The following ABCG4 variants were observed in gnomAD, a reference collection of about 807,000 sequenced individuals.
The protein encoded by ABCG4 is ATP binding cassette subfamily G member 4.
A neutral mutation model predicts 64.6 loss-of-function variants in ABCG4; 35 were observed. The observed-to-expected ratio is 0.54, with a 90% CI of 0.41 to 0.72. The LOEUF (loss-of-function observed/expected upper bound fraction) is 0.72. Among genes scored for constraint, ABCG4 ranks in the 30% least tolerant of loss-of-function variants. The pLI is 0.00. For synonymous variants in ABCG4, 326 were observed against 348.2 expected (o/e 0.94, Z 0.71); for missense variants, 610 against 846.3 (o/e 0.72, Z 3.46).
In ABCG4 at chr11:119,155,057, A is replaced by C; in HGVS notation, c.686+142A>C. 8 of 1,210,584 alleles carry C rather than the reference A, an allele frequency of 6.6e-6. No individual in the cohort carries two copies. Among genetic ancestry groups the C allele is most frequent in the Non-Finnish European group, 9.2e-6 (8 of 873,226 alleles). 75.0% of individuals were successfully genotyped at this position (1,210,584 alleles called of 1,614,324 possible). A position where few individuals can be genotyped will look rare whatever the true frequency, so the allele number is the denominator to read the frequency against. ...AGATAAGGGCTTCTTCCTCATCTCC[A>C]CCCTTGCCAATTCTGTTGCTGTGAG... On this transcript the variant is annotated intron_variant, in intron 6 of 14. Transcript: ENST00000619701. The surrounding 1 kb of genome is among the most constrained non-coding windows in gnomAD (Gnocchi z 4.5).
rs2135129891 is a variant in ABCG4 at position 119,160,087 on chromosome 11, AC to A, written c.1438-139del. The A allele has an allele frequency of 1.2e-6, 1 of 859,870 alleles. No homozygotes were observed. Among genetic ancestry groups the A allele is most frequent in the Admixed American group, 2.6e-5 (1 of 38,318 alleles). 53.3% of individuals were successfully genotyped at this position (859,870 alleles called of 1,614,324 possible). Reference sequence around the variant, plus strand: ...AAGGGGACGTGTGTCAATCTGGGGGACAGCTTGAACAAGAATGTGGAGGCAG... The same window carrying A: ...AAGGGGACGTGTGTCAATCTGGGGGAAGCTTGAACAAGAATGTGGAGGCAG... On this transcript the variant is annotated intron_variant, in intron 12 of 14. Coordinates refer to ENST00000619701, the MANE Select transcript of ABCG4 (RefSeq NM_022169.5). This position sits in a 1 kb window ranked among gnomAD's most constrained non-coding sequence, Gnocchi z 4.6.
chr11:119,161,231 GCTCCTCC>G lies in ABCG4; in HGVS notation c.*126_*132del, dbSNP rs1214970033. On this transcript the variant is annotated 3_prime_UTR_variant, in exon 15 of 15. Coordinates refer to ENST00000619701, the MANE Select transcript of ABCG4 (RefSeq NM_022169.5). ...GGCGGGGCTATCCTCTCCTCCCTTG[GCTCCTCC>G]ACAGGCTGGCTGTCGGACTGCGCTC... The G allele has an allele frequency of 1.1e-6, 1 of 878,266 alleles. No individual in the cohort carries two copies. Among genetic ancestry groups the G allele is most frequent in the East Asian group, 2.7e-5 (1 of 37,370 alleles). 54.4% of individuals were successfully genotyped at this position (878,266 alleles called of 1,614,324 possible).
Position 119,154,484 on chromosome 11 carries a change from C to T in ABCG4, c.490-41C>T. 1 of 1,614,104 alleles carries T rather than the reference C, an allele frequency of 6.2e-7. No individual in the cohort carries two copies. Among genetic ancestry groups the T allele is most frequent in the African/African-American group, 1.3e-5 (1 of 75,060 alleles). On this transcript the variant is annotated intron_variant, in intron 4 of 14. Transcript: ENST00000619701. The surrounding 1 kb of genome is among the most constrained non-coding windows in gnomAD (Gnocchi z 7.0). ...TGGCGGAGGGTTCAAGGCAGAGCTC[C>T]CTCCCACACATACTTTTCTTGCTTA...
rs1948156013 is a variant in ABCG4 at position 119,149,229 on chromosome 11, C to T, written c.-147C>T. 1 of 151,606 alleles carries T rather than the reference C, an allele frequency of 6.6e-6. No individual in the cohort carries two copies. The highest frequency in any genetic ancestry group is 1.5e-5 in the Non-Finnish European group (1 of 67,822). 9.4% of individuals were successfully genotyped at this position (151,606 alleles called of 1,614,324 possible). On this transcript the variant is annotated 5_prime_UTR_variant, in exon 1 of 15. Transcript: ENST00000619701. The surrounding 1 kb of genome is among the most constrained non-coding windows in gnomAD (Gnocchi z 8.3). The stretch of plus-strand genomic sequence containing the variant: ...CTGCCCCGCCCCGGCCCCGCCCCGG[C>T]CCGGGCCGCCGGGACCGGGAGCCGG...
rs746099364 is a variant in ABCG4, at chr11:119,156,955, GAGA to G, written c.1016_1018del (p.Lys339del). On this transcript the variant is annotated inframe_deletion, in exon 9 of 15. Coordinates refer to ENST00000619701, the MANE Select transcript of ABCG4 (RefSeq NM_022169.5). This position sits in a 1 kb window ranked among gnomAD's most constrained non-coding sequence, Gnocchi z 5.5. Reference sequence around the variant, plus strand: ...GCAGAATGGGCTGTGCGCTATGGCTGAGAAGAAGAGCAGCCCTGAGAAGAACGA... The same window carrying G: ...GCAGAATGGGCTGTGCGCTATGGCTGAGAAGAGCAGCCCTGAGAAGAACGA... 20 of 1,613,850 alleles carry G rather than the reference GAGA, an allele frequency of 1.2e-5. No homozygotes were observed. The highest frequency in any genetic ancestry group is 2.2e-5 in the East Asian group (1 of 44,894).
intron 9 of ABCG4, among the ~76,000 whole-genome samples, chr11:119,157,441 C>T (rs1019220402): frequency 1.3e-5 from 2 of 152,378 alleles, no homozygotes; most frequent in South Asian, 4.1e-4. Flanking sequence ...GTAGCTGGTA[C>T]AGCAGGCGTC....
chr11:119,154,413 C>A lies in ABCG4; in HGVS notation c.489+21C>A, dbSNP rs1364365541. On this transcript the variant is annotated intron_variant, in intron 4 of 14. Coordinates refer to ENST00000619701, the MANE Select transcript of ABCG4 (RefSeq NM_022169.5). The surrounding 1 kb of genome is among the most constrained non-coding windows in gnomAD (Gnocchi z 7.0). Reference sequence around the variant, plus strand: ...TGATGGTGAGGGCTGGATAGTCACCCCTCCTCCCAGCAACCCCCTCTGTCT... The same window carrying A: ...TGATGGTGAGGGCTGGATAGTCACCACTCCTCCCAGCAACCCCCTCTGTCT... The A allele has an allele frequency of 6.2e-7, 1 of 1,614,124 alleles. No individual in the cohort carries two copies. The highest frequency in any genetic ancestry group is 2.2e-5 in the East Asian group (1 of 44,876).
rs749760252 is a variant in ABCG4, at chr11:119,154,624, T to G, written c.540+49T>G. On this transcript the variant is annotated intron_variant, in intron 5 of 14. Transcript: ENST00000619701. This position sits in a 1 kb window ranked among gnomAD's most constrained non-coding sequence, Gnocchi z 7.0. ...GGACCACTCCCTTTTGTGGTGCTGC[T>G]GAGCTCAAGGCCCCGAGCTGGGAGT... The G allele has an allele frequency of 1.9e-5, 30 of 1,607,470 alleles. No homozygotes were observed. The East Asian group carries it at 6.5e-4, about 35-fold the overall frequency.
At position 119,160,151 on chromosome 11, in the gene ABCG4, C is replaced by G. The variant is rs538688090; in HGVS notation, c.1438-76C>G. ...GGGAATAGGTATTCTAGAGGCCCAG[C>G]CTTGGGTGGAGTGGAGGTCTTGGCT... On this transcript the variant is annotated intron_variant, in intron 12 of 14. Transcript: ENST00000619701. The surrounding 1 kb of genome is among the most constrained non-coding windows in gnomAD (Gnocchi z 4.6). The G allele has an allele frequency of 1.3e-6, 2 of 1,517,554 alleles. No homozygotes were observed. The highest frequency in any genetic ancestry group is 1.8e-5 in the Admixed American group (1 of 54,474). 94.0% of individuals were successfully genotyped at this position (1,517,554 alleles called of 1,614,324 possible).
rs2135123521 is a variant in ABCG4 at position 119,156,090 on chromosome 11, C to T, written c.687-239C>T. On this transcript the variant is annotated intron_variant, in intron 6 of 14. Coordinates refer to ENST00000619701, the MANE Select transcript of ABCG4 (RefSeq NM_022169.5). This position sits in a 1 kb window ranked among gnomAD's most constrained non-coding sequence, Gnocchi z 5.5. Reference sequence around the variant, plus strand: ...CAGAGTCTATGTCTTATTTATGCATCATTGTAATCCCAGTGCCTGGCATAC... The same window carrying T: ...CAGAGTCTATGTCTTATTTATGCATTATTGTAATCCCAGTGCCTGGCATAC... The T allele has an allele frequency of 1.9e-6, 1 of 533,628 alleles. No homozygotes were observed. Among genetic ancestry groups the T allele is most frequent in the Non-Finnish European group, 3.4e-6 (1 of 296,208 alleles). The allele number at this position is 533,628 out of a possible 1,614,324, so 33.1% of individuals were successfully genotyped here. A position where few individuals can be genotyped will look rare whatever the true frequency, so the allele number is the denominator to read the frequency against.
At chr11:119,153,900 AT>A in intron 2 of ABCG4, 125 bp from the exon 3 acceptor site, 1 of 815,388 alleles carries the variant, frequency 1.2e-6, no homozygotes, top group Non-Finnish European at 2.1e-6. Context: ...TTGTTCCTCC[AT>A]CCTAACCCAA....
In ABCG4 at chr11:119,156,316, T is replaced by C; in HGVS notation, c.687-13T>C. 6.2e-7 allele frequency: 1 copy of C among 1,614,166 alleles called. No homozygotes were observed. The highest frequency in any genetic ancestry group is 8.5e-7 in the Non-Finnish European group (1 of 1,180,014). ...CACCTCACGTGGCCCCCTGGTGGCC[T>C]CTCTCTGGACAGTGGTCTGGATAGC... On this transcript the variant is annotated splice_polypyrimidine_tract_variant and intron_variant, in intron 6 of 14. Coordinates refer to ENST00000619701, the MANE Select transcript of ABCG4 (RefSeq NM_022169.5). The surrounding 1 kb of genome is among the most constrained non-coding windows in gnomAD (Gnocchi z 5.5).
chr11:119,156,791 C>T lies in ABCG4; in HGVS notation c.926-81C>T, dbSNP rs905288341. ...AGAGATCTCACCGTCGCCTGCCTTC[C>T]CCACACACCCAAGGCGGGACTGACT... On this transcript the variant is annotated intron_variant, in intron 8 of 14. Transcript: ENST00000619701. The surrounding 1 kb of genome is among the most constrained non-coding windows in gnomAD (Gnocchi z 5.5). 122 of 1,589,082 alleles carry T rather than the reference C, an allele frequency of 7.7e-5. 1 individual carries two copies. In the Admixed American group the frequency reaches 2.1e-3, roughly 27 times the overall value.
At position 119,161,353 on chromosome 11, in the gene ABCG4, A is replaced by T. The variant is rs1948350259; in HGVS notation, c.*247A>T. 2 of 448,548 alleles carry T rather than the reference A, an allele frequency of 4.5e-6. No homozygotes were observed. Among genetic ancestry groups the T allele is most frequent in the South Asian group, 5.5e-5 (2 of 36,612 alleles). The allele number at this position is 448,548 out of a possible 1,614,324, so 27.8% of individuals were successfully genotyped here. A position where few individuals can be genotyped will look rare whatever the true frequency, so the allele number is the denominator to read the frequency against. On this transcript the variant is annotated 3_prime_UTR_variant, in exon 15 of 15. Transcript: ENST00000619701. The stretch of plus-strand genomic sequence containing the variant: ...TGATGCGGTTTGTAGCTTCCTCCCT[A>T]CTCTCTCCAACACCTGCATGCAAAG...
chr11:119,156,307 CT>C lies in ABCG4; in HGVS notation c.687-21del, dbSNP rs752605483. ...GGCCTCACCCACCTCACGTGGCCCCCTGGTGGCCTCTCTCTGGACAGTGGTC... is the reference window on the plus strand; with the variant it reads ...GGCCTCACCCACCTCACGTGGCCCCCGGTGGCCTCTCTCTGGACAGTGGTC... On this transcript the variant is annotated intron_variant, in intron 6 of 14. Transcript: ENST00000619701. This position sits in a 1 kb window ranked among gnomAD's most constrained non-coding sequence, Gnocchi z 5.5. The C allele has an allele frequency of 1.3e-5, 21 of 1,613,984 alleles. No individual in the cohort carries two copies. The highest frequency in any genetic ancestry group is 1.8e-5 in the Non-Finnish European group (21 of 1,179,992).
At position 119,150,047 on chromosome 11, in the gene ABCG4, G is replaced by T; in HGVS notation, c.82G>T (p.Ala28Ser). 2 of 1,613,840 alleles carry T rather than the reference G, an allele frequency of 1.2e-6. No homozygotes were observed. The highest frequency in any genetic ancestry group is 1.7e-6 in the Non-Finnish European group (2 of 1,180,014). The change falls in exon 2 of 15, where the codon GCG becomes TCG. Residue 28 changes from alanine to serine, a missense_variant. Coordinates refer to ENST00000619701, the MANE Select transcript of ABCG4 (RefSeq NM_022169.5). The surrounding 1 kb of genome is among the most constrained non-coding windows in gnomAD (Gnocchi z 4.3). ...VAMAVTLEDG[A>S]EPPVLTTHLK... is the part of the protein sequence containing the mutation. ...CATGGCCGTGACGCTGGAGGACGGG[G>T]CGGAACCCCCTGTGCTGACCACGCA...
chr11:119,156,167 G>A lies in ABCG4; in HGVS notation c.687-162G>A. 1 of 877,116 alleles carries A rather than the reference G, an allele frequency of 1.1e-6. No homozygotes were observed. Among genetic ancestry groups the A allele is most frequent in the Middle Eastern group, 3.6e-4 (1 of 2,794 alleles). 54.3% of individuals were successfully genotyped at this position (877,116 alleles called of 1,614,324 possible). On this transcript the variant is annotated intron_variant, in intron 6 of 14. Coordinates refer to ENST00000619701, the MANE Select transcript of ABCG4 (RefSeq NM_022169.5). This position sits in a 1 kb window ranked among gnomAD's most constrained non-coding sequence, Gnocchi z 5.5. ...AACTGAACAGTGCTCTTGGCTTCTG[G>A]GTATCCCTCCAAGTGCCTGAACCGT...
Position 119,154,453 on chromosome 11 carries a change from C to T in ABCG4, c.489+61C>T. On this transcript the variant is annotated intron_variant, in intron 4 of 14. Transcript: ENST00000619701. This position sits in a 1 kb window ranked among gnomAD's most constrained non-coding sequence, Gnocchi z 7.0. Reference sequence around the variant, plus strand: ...CCCCTCTGTCTGCTGTCGCCACCTTCACCATTGGCGGAGGGTTCAAGGCAG... The same window carrying T: ...CCCCTCTGTCTGCTGTCGCCACCTTTACCATTGGCGGAGGGTTCAAGGCAG... 1 of 1,614,058 alleles carries T rather than the reference C, an allele frequency of 6.2e-7. No homozygotes were observed. The highest frequency in any genetic ancestry group is 1.1e-5 in the South Asian group (1 of 91,082).
chr11:119,157,144 C>T, intron 9 of ABCG4, 130 bp downstream of exon 9: 1 of 1,283,982 alleles, frequency 7.8e-7, no homozygotes, highest in Non-Finnish European at 1.0e-6. Flanking sequence ...GAACCTAGGA[C>T]TTGGAATCGA....
Sources: allele counts gnomAD v4.1 joint callset (sites outside exome capture counted in the v4.1 genomes callset), GRCh38; gene constraint gnomAD v4.1.1; non-coding constraint Gnocchi (gnomAD v3.1); transcripts MANE v1.5; gene names NCBI Gene and HGNC (gene_info 2026-07-23, HGNC 2026-07-21).